Variants in SLC39A14 observed in about 807,000 individuals in gnomAD.
The protein encoded by SLC39A14 is solute carrier family 39 member 14, also known as metal cation symporter ZIP14.
In SLC39A14, 19 loss-of-function variants were observed where a neutral mutation model predicts 45.5. That is an observed-to-expected ratio of 0.42 (90% CI 0.29 to 0.61). The LOEUF is 0.61. SLC39A14 is among the 20% of genes least tolerant of loss of function. The pLI, the probability that SLC39A14 is intolerant of heterozygous loss-of-function variation, is 0.22. For synonymous variants in SLC39A14, 264 were observed against 251.3 expected (o/e 1.05, Z -0.48); for missense variants, 447 against 616.5 (o/e 0.73, Z 2.91).
At chr8:22,379,135 C>T (rs573861358) in intron 1 of SLC39A14, among the ~76,000 whole-genome samples, 1 of 152,250 alleles carries the variant, frequency 6.6e-6, no homozygotes, top group African/African-American at 2.4e-5. Flanking sequence ...GTGGCCTTCC[C>T]CTGTTGGTGT....
At chr8:22,415,401 T>C (rs1379794833) in intron 5 of SLC39A14, 3 of 217,482 alleles carry the variant, frequency 1.4e-5, no homozygotes, top group African/African-American at 7.0e-5. Context: ...AATAAGCATG[T>C]ACCCCGAGGA....
At chr8:22,379,943 A>AAAAAAAAAAG (rs1833417134) in intron 1 of SLC39A14, among the ~76,000 whole-genome samples, 1 of 137,456 alleles carries the variant, frequency 7.3e-6, no homozygotes, top group East Asian at 2.2e-4. Context: ...AAAAAAAAAA[A>AAAAAAAAAAG]AAAAGAAAAG....
intron 1 of SLC39A14, among the ~76,000 whole-genome samples, chr8:22,379,685 C>T (rs1001980012): frequency 3.3e-5 from 5 of 152,102 alleles, no homozygotes; most frequent in African/African-American, 1.2e-4. Flanking sequence ...AATCCCAGCA[C>T]TTTGGGAGGC....
chr8:22,421,479 C>T lies in SLC39A14; in HGVS notation c.*1781C>T. The T allele has an allele frequency of 2.1e-5, 20 of 975,428 alleles. No homozygotes were observed. The highest frequency in any genetic ancestry group is 2.4e-5 in the Non-Finnish European group (20 of 825,774). The allele number at this position is 975,428 out of a possible 1,614,324, so 60.4% of individuals were successfully genotyped here. On this transcript the variant is annotated 3_prime_UTR_variant, in exon 9 of 9. Coordinates refer to ENST00000381237, the MANE Select transcript of SLC39A14 (RefSeq NM_001128431.4). ...GTGATGGAGATTCTAGATTAAATAT[C>T]AGGACTGATTTCCTGGTGGGATTAT...
At chr8:22,378,840 G>A (rs1416330741) in intron 1 of SLC39A14, among the ~76,000 whole-genome samples, 1 of 152,200 alleles carries the variant, frequency 6.6e-6, no homozygotes, top group Non-Finnish European at 1.5e-5. Context: ...TCTGCCAGCT[G>A]CAGCTGAACA....
intron 1 of SLC39A14, among the ~76,000 whole-genome samples, chr8:22,375,798 C>T (rs926834239): frequency 6.6e-6 from 1 of 152,014 alleles, no homozygotes; most frequent in South Asian, 2.1e-4. Flanking sequence ...ATGGCTGTAT[C>T]TTAGTTTGCT....
intron 1 of SLC39A14, among the ~76,000 whole-genome samples, chr8:22,378,981 C>T (rs148768429): frequency 0.016 from 2,363 of 152,312 alleles, 31 homozygotes; most frequent in Non-Finnish European, 0.023. Context: ...TGGAGGCCAG[C>T]AGTGTGAAAT....
intron 3 of SLC39A14, 38 bp from the exon 4 acceptor site, chr8:22,411,999 C>G: frequency 6.5e-7 from 1 of 1,534,302 alleles, no homozygotes; most frequent in Non-Finnish European, 8.8e-7. Flanking sequence ...CCTTCTCTCC[C>G]TGCCCTGGGT....
At chr8:22,406,803 A>G (rs7823669) in intron 2 of SLC39A14, among the ~76,000 whole-genome samples, 85,543 of 151,832 alleles carry the variant, frequency 0.56, 25,134 homozygotes, top group African/African-American at 0.74. Flanking sequence ...CCCGCGGGGT[A>G]ATGCAGCTGC....
chr8:22,408,221 C>G, intron 2 of SLC39A14, 89 bp from the exon 3 acceptor site: 1 of 1,183,362 alleles, frequency 8.5e-7, no homozygotes, highest in South Asian at 1.5e-5. Flanking sequence ...TTCTCTTTTT[C>G]CTCTGGGAAG....
Position 22,421,804 on chromosome 8 carries a change from G to C in SLC39A14, c.*2106G>C, listed in dbSNP as rs1037025347. ...CTAAGTTAGAGTTAGTGGATTTCTAGTTTAGGAGAGGAGCTCAAAACTATA... is the reference window on the plus strand; with the variant it reads ...CTAAGTTAGAGTTAGTGGATTTCTACTTTAGGAGAGGAGCTCAAAACTATA... On this transcript the variant is annotated 3_prime_UTR_variant, in exon 9 of 9. Transcript: ENST00000381237. 12 of 984,954 alleles carry C rather than the reference G, an allele frequency of 1.2e-5. No homozygotes were observed. Among genetic ancestry groups the C allele is most frequent in the Non-Finnish European group, 1.4e-5 (12 of 829,534 alleles). 61.0% of individuals were successfully genotyped at this position (984,954 alleles called of 1,614,324 possible). A position where few individuals can be genotyped will look rare whatever the true frequency, so the allele number is the denominator to read the frequency against.
intron 1 of SLC39A14, among the ~76,000 whole-genome samples, chr8:22,377,017 C>T (rs1308286616): frequency 1.3e-5 from 2 of 152,208 alleles, no homozygotes; most frequent in Non-Finnish European, 2.9e-5. Context: ...CATCTGTAGA[C>T]CCTGCTTGCA....
intron 1 of SLC39A14, among the ~76,000 whole-genome samples, chr8:22,386,234 T>C (rs534951114): frequency 2.0e-5 from 3 of 147,422 alleles, no homozygotes; most frequent in Admixed American, 1.4e-4. Flanking sequence ...CGTGAGCCAC[T>C]GCGCCTGACG....
chr8:22,432,954 C>T (rs1836491169), intron 8 of SLC39A14, among the ~76,000 whole-genome samples: 1 of 151,254 alleles, frequency 6.6e-6, no homozygotes, highest in Admixed American at 6.6e-5. Flanking sequence ...TGCTCGGCCA[C>T]CTGGCTAATT....
intron 1 of SLC39A14, among the ~76,000 whole-genome samples, chr8:22,376,200 TCTCA>T (rs1833205211): frequency 6.6e-6 from 1 of 152,060 alleles, no homozygotes; most frequent in Non-Finnish European, 1.5e-5. Flanking sequence ...TGAGACAGGG[TCTCA>T]CTCAGTGCAC....
downstream of SLC39A14, among the ~76,000 whole-genome samples, chr8:22,427,615 T>G (rs1038945155): frequency 6.6e-6 from 1 of 152,166 alleles, no homozygotes; most frequent in Non-Finnish European, 1.5e-5. Flanking sequence ...AAACAAGCTC[T>G]TTTGAAGCCA....
Position 22,408,316 on chromosome 8 carries a change from A to C in SLC39A14, c.277A>C (p.Ser93Arg), listed in dbSNP as rs1315237914. 1 of 1,613,204 alleles carries C rather than the reference A, an allele frequency of 6.2e-7. No individual in the cohort carries two copies. The highest frequency in any genetic ancestry group is 8.5e-7 in the Non-Finnish European group (1 of 1,179,386). ...QGHRNLSTCFSSGDLFTAHNF... is the reference protein window; with the variant it reads ...QGHRNLSTCFRSGDLFTAHNF... Reference sequence around the variant, plus strand: ...TGCCCTTCCTGTGTTTCAGTGCTTTAGTTCTGGAGACCTCTTCACTGCCCA... The same window carrying C: ...TGCCCTTCCTGTGTTTCAGTGCTTTCGTTCTGGAGACCTCTTCACTGCCCA... The change falls in exon 3 of 9, where the codon AGT becomes CGT. Residue 93 changes from serine (S) to arginine (R), a missense_variant. Ser to Arg is a moderately radical substitution (Grantham distance 110). This residue lies in a region of SLC39A14 where 342 missense variants were observed against 428.1 expected (regional missense o/e 0.80). Coordinates refer to ENST00000381237, the MANE Select transcript of SLC39A14 (RefSeq NM_001128431.4).
At chr8:22,383,554 C>T (rs1417151879) in intron 1 of SLC39A14, among the ~76,000 whole-genome samples, 2 of 152,136 alleles carry the variant, frequency 1.3e-5, no homozygotes, top group Non-Finnish European at 2.9e-5. Context: ...AGCAGAGGGC[C>T]CCGGCCAGGC....
chr8:22,423,812 C>CTCTCTCTCTCTCTCTCTCTCTCTCAT (rs1554523073), downstream of SLC39A14, among the ~76,000 whole-genome samples: 1 of 138,888 alleles, frequency 7.2e-6, no homozygotes, highest in Non-Finnish European at 1.5e-5. Flanking sequence ...CTCTCTCTCT[C>CTCTCTCTCTCTCTCTCTCTCTCTCAT]ATCTATCTTC....
Sources: gnomAD v4.1 joint callset for allele counts (sites outside exome capture counted in the v4.1 genomes callset) on GRCh38, gnomAD v4.1.1 for gene constraint, gnomAD v4.1.1 regional missense constraint, MANE v1.5 for transcripts, NCBI Gene and HGNC (gene_info 2026-07-23, HGNC 2026-07-21) for gene names.